The following ZBTB34 variants were observed in gnomAD, a reference collection of about 807,000 sequenced individuals.
ZBTB34 encodes the protein zinc finger and BTB domain containing 34.
A neutral mutation model predicts 33.4 loss-of-function variants in ZBTB34; 1 was observed. The observed-to-expected ratio is 0.03, with a 90% CI of 0.01 to 0.14. The LOEUF is 0.14. ZBTB34 is among the 10% of genes least tolerant of loss of function. The pLI, the probability that ZBTB34 is intolerant of heterozygous loss-of-function variation, is 1.00. For missense variants in ZBTB34, 406 were observed against 657.2 expected (o/e 0.62, Z 4.18); for synonymous variants, 283 against 253.5 (o/e 1.12, Z -1.11).
At chr9:126,867,447 C>CTTTTTTTTTTTTTT (rs201325256) in intron 1 of ZBTB34, among the ~76,000 whole-genome samples, 1 of 119,508 alleles carries the variant, frequency 8.4e-6, no homozygotes, top group Non-Finnish European at 1.8e-5. Flanking sequence ...TGTCATTTTT[C>CTTTTTTTTTTTTTT]TTTTTTTTTT....
chr9:126,879,489 C>G lies in ZBTB34; in HGVS notation c.90C>G (p.Arg30=). The G allele has an allele frequency of 2.5e-6, 4 of 1,613,906 alleles. No individual in the cohort carries two copies. The highest frequency in any genetic ancestry group is 3.4e-6 in the Non-Finnish European group (4 of 1,179,886). Residue 30 remains arginine, a synonymous_variant, in exon 2 of 2, where the codon CGC becomes CGG. Transcript: ENST00000319119. The surrounding 1 kb of genome is among the most constrained non-coding windows in gnomAD (Gnocchi z 6.4). The stretch of plus-strand genomic sequence containing the variant: ...TTCTGAGCCAGCTAAACGAACTCCG[C>G]CTGCAGGGGAAACTATGTGACATCA...
At chr9:126,873,554 G>A (rs371850333) in intron 1 of ZBTB34, among the ~76,000 whole-genome samples, 1 of 151,820 alleles carries the variant, frequency 6.6e-6, no homozygotes, top group East Asian at 1.9e-4. Context: ...ATGAACCACC[G>A]TTCCTGGCCT....
At chr9:126,873,060 G>T (rs1370716478) in intron 1 of ZBTB34, among the ~76,000 whole-genome samples, 2 of 152,096 alleles carry the variant, frequency 1.3e-5, no homozygotes, top group Non-Finnish European at 2.9e-5. Context: ...TTTCTGTACT[G>T]GTTTTTGCCC....
chr9:126,863,728 C>A (rs1210306982), intron 1 of ZBTB34: 2 of 985,308 alleles, frequency 2.0e-6, no homozygotes, highest in South Asian at 4.7e-5. Flanking sequence ...CTTTTCTAAT[C>A]CTTTTGTCAT....
Position 126,879,332 on chromosome 9 carries a change from G to A in ZBTB34, c.-10-58G>A. 4 of 1,403,322 alleles carry A rather than the reference G, an allele frequency of 2.9e-6. No individual in the cohort carries two copies. Among genetic ancestry groups the A allele is most frequent in the Non-Finnish European group, 3.9e-6 (4 of 1,025,440 alleles). 86.9% of individuals were successfully genotyped at this position (1,403,322 alleles called of 1,614,324 possible). Reference sequence around the variant, plus strand: ...ATTGTTGTTGTAAGCTTGTGTTTATGCCACTTGTACTTAGTGAGGAGTCAT... The same window carrying A: ...ATTGTTGTTGTAAGCTTGTGTTTATACCACTTGTACTTAGTGAGGAGTCAT... On this transcript the variant is annotated intron_variant, in intron 1 of 1. Coordinates refer to ENST00000319119, the Ensembl canonical transcript of ZBTB34. The surrounding 1 kb of genome is among the most constrained non-coding windows in gnomAD (Gnocchi z 6.4).
intron 1 of ZBTB34, among the ~76,000 whole-genome samples, chr9:126,869,939 C>T (rs1202755085): frequency 2.6e-5 from 4 of 152,178 alleles, no homozygotes; most frequent in Non-Finnish European, 2.9e-5. Flanking sequence ...AAGTATCTCA[C>T]ATTCTTTTTC....
At chr9:126,885,783 C>A (rs898098509) in exon 2 of ZBTB34, 3 of 166,964 alleles carry the variant, frequency 1.8e-5, no homozygotes, top group Non-Finnish European at 4.4e-5. Flanking sequence ...TAATTTTGTT[C>A]TGAATTCTTG....
intron 1 of ZBTB34, among the ~76,000 whole-genome samples, chr9:126,874,126 C>G (rs2033321551): frequency 7.0e-6 from 1 of 143,858 alleles, no homozygotes; most frequent in Non-Finnish European, 1.5e-5. Flanking sequence ...ACTGCAAGCT[C>G]CGTCCTCCAG....
At chr9:126,878,865 A>G (rs1277114463) in intron 1 of ZBTB34, among the ~76,000 whole-genome samples, 1 of 151,942 alleles carries the variant, frequency 6.6e-6, no homozygotes, top group Non-Finnish European at 1.5e-5. Flanking sequence ...CTGGAATTAC[A>G]GGTGCACAAC....
chr9:126,861,158 G>A (rs1224769880), intron 1 of ZBTB34, among the ~76,000 whole-genome samples: 1 of 152,168 alleles, frequency 6.6e-6, no homozygotes, highest in Admixed American at 6.5e-5. Flanking sequence ...TGAGTTCCCT[G>A]GAGAGCCGGC....
rs2033430741 is a variant in ZBTB34 at position 126,880,876 on chromosome 9, C to T, written c.1477C>T (p.Arg493Trp). 6 of 1,612,676 alleles carry T rather than the reference C, an allele frequency of 3.7e-6. No individual in the cohort carries two copies. Among genetic ancestry groups the T allele is most frequent in the Non-Finnish European group, 5.1e-6 (6 of 1,179,608 alleles). The change falls in exon 2 of 2, where the codon CGG becomes TGG. Residue 493 changes from arginine (R) to tryptophan (W), a missense_variant. By Grantham distance (101) the Arg-to-Trp change is moderately radical. Coordinates refer to ENST00000319119, the Ensembl canonical transcript of ZBTB34. This position sits in a 1 kb window ranked among gnomAD's most constrained non-coding sequence, Gnocchi z 6.7. ...GGCCTCAGAGATGGGCCTAGATTCC[C>T]GGATGGAAATTCACACAGTGTCTGA... is the stretch of plus-strand genomic sequence containing the variant.
At chr9:126,864,074 C>T (rs1016883188) in intron 1 of ZBTB34, among the ~76,000 whole-genome samples, 4 of 152,156 alleles carry the variant, frequency 2.6e-5, no homozygotes, top group Non-Finnish European at 5.9e-5. Flanking sequence ...TCTTTCTACT[C>T]GGAGTTGATC....
intron 1 of ZBTB34, among the ~76,000 whole-genome samples, chr9:126,873,280 T>C (rs953643972): frequency 2.0e-5 from 3 of 152,212 alleles, no homozygotes; most frequent in Middle Eastern, 6.3e-3. Context: ...TTATTTATTT[T>C]TGAGACAATG....
At chr9:126,870,017 C>T (rs62578891) in intron 1 of ZBTB34, among the ~76,000 whole-genome samples, 1 of 152,102 alleles carries the variant, frequency 6.6e-6, no homozygotes, top group African/African-American at 2.4e-5. Flanking sequence ...GAAAATAAAT[C>T]CAGCTTGTAT....
chr9:126,862,593 A>G (rs1003355494), intron 1 of ZBTB34, among the ~76,000 whole-genome samples: 1 of 152,140 alleles, frequency 6.6e-6, no homozygotes, highest in Non-Finnish European at 1.5e-5. Context: ...CTTCTGAAGC[A>G]CTGGCCTCCT....
intron 1 of ZBTB34, among the ~76,000 whole-genome samples, chr9:126,871,744 C>T (rs568562216): frequency 1.1e-4 from 17 of 152,142 alleles, no homozygotes; most frequent in African/African-American, 3.9e-4. Flanking sequence ...GGAAGAGGGG[C>T]TGGGGGAAAG....
At chr9:126,878,387 T>C (rs1373428514) in intron 1 of ZBTB34, among the ~76,000 whole-genome samples, 1 of 151,954 alleles carries the variant, frequency 6.6e-6, no homozygotes, top group Non-Finnish European at 1.5e-5. Context: ...TGAGAATTGC[T>C]TGAACCTAGG....
At chr9:126,861,101 T>C (rs1203441902) in intron 1 of ZBTB34, among the ~76,000 whole-genome samples, 1 of 152,034 alleles carries the variant, frequency 6.6e-6, no homozygotes, top group Non-Finnish European at 1.5e-5. Context: ...TCCGGGCCCC[T>C]AGCCCTGGGG....
intron 1 of ZBTB34, among the ~76,000 whole-genome samples, chr9:126,875,773 G>A (rs1452409985): frequency 6.6e-6 from 1 of 151,852 alleles, no homozygotes; most frequent in African/African-American, 2.4e-5. Context: ...CTTTTTTAAT[G>A]GCTACTTGCC....
Sources: gnomAD v4.1 joint callset for allele counts (sites outside exome capture counted in the v4.1 genomes callset) on GRCh38, gnomAD v4.1.1 for gene constraint, Gnocchi (gnomAD v3.1) non-coding constraint, MANE v1.5 for transcripts, NCBI Gene and HGNC (gene_info 2026-07-23, HGNC 2026-07-21) for gene names.